Variants in LAIR1 observed in about 807,000 individuals in gnomAD.
The protein encoded by LAIR1 is leukocyte associated immunoglobulin like receptor 1, also known as leukocyte-associated immunoglobulin-like receptor 1.
In LAIR1, 24 loss-of-function variants were observed where a neutral mutation model predicts 32.8. That is an observed-to-expected ratio of 0.73 (90% CI 0.53 to 1.03). The LOEUF is 1.03. LAIR1 is among the 50% of genes least tolerant of loss of function. LAIR1 has a pLI of 0.00. For missense variants in LAIR1, 355 were observed against 347.5 expected (o/e 1.02, Z -0.17); for synonymous variants, 150 against 140.5 (o/e 1.07, Z -0.48).
chr19:54,363,630 A>G (rs2082125794), intron 2 of LAIR1, among the ~76,000 whole-genome samples: 1 of 152,230 alleles, frequency 6.6e-6, no homozygotes, highest in African/African-American at 2.4e-5. Flanking sequence ...AAAAGGAAGG[A>G]CATTCTGTCA....
intron 4 of LAIR1, chr19:54,358,193 G>A (rs1439551879): frequency 1.4e-5 from 2 of 141,524 alleles, no homozygotes; most frequent in African/African-American, 2.6e-5. Flanking sequence ...TTCTATTATA[G>A]TTATACATAA....
At chr19:54,368,384 T>C (rs2082320326), upstream of LAIR1, 1 of 152,230 alleles carries the variant, frequency 6.6e-6, no homozygotes, top group African/African-American at 2.4e-5. Context: ...CAAAACACAG[T>C]GGCTCCTGAG....
intron 4 of LAIR1, chr19:54,358,496 T>C (rs781600566): frequency 6.4e-7 from 1 of 1,554,356 alleles, no homozygotes; most frequent in Non-Finnish European, 8.8e-7. Flanking sequence ...TGTATATGCA[T>C]GTATGGGAAT....
rs1032942769 is a variant in LAIR1 at position 54,354,166 on chromosome 19, T to G, written c.*1102A>C. 6.6e-6 allele frequency: 1 copy of G among 152,250 alleles called. No individual in the cohort carries two copies. Among genetic ancestry groups the G allele is most frequent in the African/African-American group, 2.4e-5 (1 of 41,442 alleles). The allele number at this position is 152,250 out of a possible 1,614,324, so 9.4% of individuals were successfully genotyped here. A position where few individuals can be genotyped will look rare whatever the true frequency, so the allele number is the denominator to read the frequency against. ...GGTAGGGTGGATACTCAGAAATGCCTCAACCAACAGCAGGCTCAGTGATTC... is the reference window on the plus strand; with the variant it reads ...GGTAGGGTGGATACTCAGAAATGCCGCAACCAACAGCAGGCTCAGTGATTC... On this transcript the variant is annotated 3_prime_UTR_variant, in exon 10 of 10. Transcript: ENST00000391742.
rs1204579002 is a variant in LAIR1 at position 54,364,017 on chromosome 19, C to T, written c.70+278G>A. Among the ~76,000 whole-genome samples, 1 of 152,066 alleles carries T rather than the reference C, an allele frequency of 6.6e-6. No individual in the cohort carries two copies. Among genetic ancestry groups the T allele is most frequent in the Non-Finnish European group, 1.5e-5 (1 of 68,042 alleles). On this transcript the variant is annotated intron_variant, in intron 2 of 9. Transcript: ENST00000391742. The surrounding 1 kb of genome is among the most constrained non-coding windows in gnomAD (Gnocchi z 4.8). ...TTATTTAATCTTTCCACAATGTGTACATACGTCATAATATCACACTGTACC... is the reference window on the plus strand; with the variant it reads ...TTATTTAATCTTTCCACAATGTGTATATACGTCATAATATCACACTGTACC...
upstream of LAIR1, chr19:54,364,961 C>T: frequency 2.0e-6 from 3 of 1,525,074 alleles, no homozygotes; most frequent in Non-Finnish European, 1.8e-6. The surrounding 1 kb of genome is among the most constrained non-coding windows in gnomAD (Gnocchi z 4.8). Flanking sequence ...GCTTTCTGTC[C>T]TGTTCTTTCC....
chr19:54,375,644 C>G, the LAIR1 span, among the ~76,000 whole-genome samples: 1 of 152,134 alleles, frequency 6.6e-6, no homozygotes, highest in African/African-American at 2.4e-5. Context: ...GGCGACGCTG[C>G]CTTCGCCCCA....
At position 54,361,162 on chromosome 19, in the gene LAIR1, G is replaced by T. The variant is rs527661866; in HGVS notation, c.118C>A (p.Pro40Thr). The change falls in exon 3 of 10, where the codon CCC becomes ACC. Residue 40 changes from proline (P) to threonine (T), a missense_variant. Transcript: ENST00000391742. The part of the protein sequence containing the change: ...SISAEPGTVI[P>T]LGSHVTFVCR... ...ACGAAAGTCACATGGCTCCCCAGGGGGATCACGGTGCCTGGCTCAGCCGAG... is the reference window on the plus strand; with the variant it reads ...ACGAAAGTCACATGGCTCCCCAGGGTGATCACGGTGCCTGGCTCAGCCGAG... 1.2e-6 allele frequency: 2 copies of T among 1,614,208 alleles called. No homozygotes were observed. The highest frequency in any genetic ancestry group is 1.7e-5 in the Admixed American group (1 of 60,026).
intron 2 of LAIR1, among the ~76,000 whole-genome samples, chr19:54,362,424 A>C (rs1434024874): frequency 6.6e-6 from 1 of 152,208 alleles, no homozygotes; most frequent in East Asian, 1.9e-4. Flanking sequence ...CACACACAGG[A>C]TGCCTGCCGT....
At chr19:54,365,057 C>G (rs374540117), upstream of LAIR1, 24 of 1,386,404 alleles carry the variant, frequency 1.7e-5, 1 homozygote, top group South Asian at 3.5e-4. Flanking sequence ...GGCAGATGAC[C>G]GTAAACTAGT....
chr19:54,356,786 G>A, intron 5 of LAIR1, 142 bp downstream of exon 5: 3 of 1,205,944 alleles, frequency 2.5e-6, no homozygotes, highest in Non-Finnish European at 3.6e-6. Flanking sequence ...CACCACCGGG[G>A]TCCTGAGTGC....
At chr19:54,375,061 G>C (rs1326403001), upstream of LAIR1, among the ~76,000 whole-genome samples, 1 of 152,200 alleles carries the variant, frequency 6.6e-6, no homozygotes, top group Admixed American at 6.5e-5. Context: ...ACAATGCTCA[G>C]TACGTCGCTC....
At chr19:54,365,152 A>G, upstream of LAIR1, 3 of 883,726 alleles carry the variant, frequency 3.4e-6, no homozygotes, top group Non-Finnish European at 4.3e-6. Context: ...CGCCGTCCCA[A>G]CTCCACAAGT....
upstream of LAIR1, among the ~76,000 whole-genome samples, chr19:54,373,225 G>A (rs945570836): frequency 2.2e-4 from 34 of 151,172 alleles, no homozygotes; most frequent in Admixed American, 4.6e-4. Context: ...GGCAGATCAC[G>A]AGGTCAGGTG....
upstream of LAIR1, among the ~76,000 whole-genome samples, chr19:54,375,079 G>A (rs1601358269): frequency 6.6e-6 from 1 of 152,228 alleles, no homozygotes; most frequent in African/African-American, 2.4e-5. Context: ...CTCAAAATCT[G>A]CACTCGATGA....
chr19:54,373,132 T>TA (rs752336551), upstream of LAIR1, among the ~76,000 whole-genome samples: 12 of 141,322 alleles, frequency 8.5e-5, no homozygotes, highest in South Asian at 9.1e-4. Context: ...AACTCTGTCC[T>TA]AAAAAAACAA....
At chr19:54,365,675 G>A (rs1325246206), upstream of LAIR1, among the ~76,000 whole-genome samples, 1 of 151,996 alleles carries the variant, frequency 6.6e-6, no homozygotes, top group Non-Finnish European at 1.5e-5. Context: ...ACAGCTACTT[G>A]GAAGGTTGAG....
intron 3 of LAIR1, chr19:54,360,587 A>C (rs1452817444): frequency 8.5e-6 from 4 of 469,036 alleles, no homozygotes; most frequent in Non-Finnish European, 1.5e-5. Flanking sequence ...GTGAAAAGAC[A>C]CTCATCCTCT....
At chr19:54,367,169 G>T (rs893962053), upstream of LAIR1, among the ~76,000 whole-genome samples, 1 of 152,186 alleles carries the variant, frequency 6.6e-6, no homozygotes, top group Non-Finnish European at 1.5e-5. Flanking sequence ...TAAAAGATGA[G>T]TTTGCATCAG....
Sources: allele counts gnomAD v4.1 joint callset (sites outside exome capture counted in the v4.1 genomes callset), GRCh38; gene constraint gnomAD v4.1.1; non-coding constraint Gnocchi (gnomAD v3.1); transcripts MANE v1.5; gene names NCBI Gene and HGNC (gene_info 2026-07-23, HGNC 2026-07-21).